Variants in AMOTL1 observed in about 807,000 individuals in gnomAD.
AMOTL1 encodes angiomotin like 1.
In AMOTL1, 45 loss-of-function variants were observed where a neutral mutation model predicts 102.9. The ratio of observed to expected loss-of-function variants is 0.44; its 90% CI spans 0.34 to 0.56. AMOTL1 has a LOEUF of 0.56. AMOTL1 is among the 20% of genes least tolerant of loss of function. AMOTL1 has a pLI of 0.01. For synonymous variants in AMOTL1, 481 were observed against 484.7 expected (o/e 0.99, Z 0.10); for missense variants, 1,114 against 1,225.6 (o/e 0.91, Z 1.36).
intron 1 of AMOTL1, among the ~76,000 whole-genome samples, chr11:94,711,895 C>T (rs1950027130): frequency 6.6e-6 from 1 of 152,054 alleles, no homozygotes; most frequent in African/African-American, 2.4e-5. Flanking sequence ...AATAAAGATG[C>T]TATGAACATT....
chr11:94,797,071 C>T (rs1425384929), intron 2 of AMOTL1: 17 of 947,694 alleles, frequency 1.8e-5, no homozygotes, highest in Non-Finnish European at 2.1e-5. Context: ...TTTGAGAATG[C>T]CATTTATAGG....
intron 4 of AMOTL1, among the ~76,000 whole-genome samples, chr11:94,828,624 A>G (rs1399342631): frequency 2.0e-5 from 3 of 152,184 alleles, no homozygotes; most frequent in Non-Finnish European, 4.4e-5. Context: ...TAGCTCCTAA[A>G]GGCCAGGAAT....
intron 2 of AMOTL1, among the ~76,000 whole-genome samples, chr11:94,796,516 G>A (rs1951368888): frequency 6.6e-6 from 1 of 152,130 alleles, no homozygotes; most frequent in Non-Finnish European, 1.5e-5. Flanking sequence ...AGGAGAAGGA[G>A]CCAGGGGCAA....
intron 7 of AMOTL1, among the ~76,000 whole-genome samples, chr11:94,852,249 C>G (rs1952555244): frequency 6.6e-6 from 1 of 152,190 alleles, no homozygotes; most frequent in South Asian, 2.1e-4. Context: ...TGTAAAAAGT[C>G]TAAAGTTGCT....
chr11:94,711,645 T>G (rs1383749876), intron 1 of AMOTL1, among the ~76,000 whole-genome samples: 1 of 152,144 alleles, frequency 6.6e-6, no homozygotes, highest in Admixed American at 6.5e-5. Flanking sequence ...TGTTGTCCAT[T>G]TATATAATTT....
intron 1 of AMOTL1, among the ~76,000 whole-genome samples, chr11:94,706,888 A>G (rs545864744): frequency 1.3e-5 from 2 of 152,278 alleles, no homozygotes; most frequent in African/African-American, 4.8e-5. Context: ...ATGTTAGTGA[A>G]GCAACTGTAA....
chr11:94,748,866 C>T (rs1950618557), intron 3 of AMOTL1, among the ~76,000 whole-genome samples: 1 of 152,144 alleles, frequency 6.6e-6, no homozygotes, highest in South Asian at 2.1e-4. Context: ...TACTTCCTTC[C>T]CATCAAGCTG....
intron 4 of AMOTL1, among the ~76,000 whole-genome samples, chr11:94,823,647 TC>T (rs1404618942): frequency 6.6e-6 from 1 of 152,188 alleles, no homozygotes; most frequent in Non-Finnish European, 1.5e-5. Flanking sequence ...CATGGCTGTT[TC>T]TGAAGAGTTA....
chr11:94,830,229 C>T, intron 5 of AMOTL1, 35 bp downstream of exon 5: 2 of 1,557,758 alleles, frequency 1.3e-6, no homozygotes, highest in African/African-American at 1.4e-5. Context: ...TCTAAACTAC[C>T]TGTAGAGTTT....
At chr11:94,745,578 A>T (rs916323960) in intron 3 of AMOTL1, among the ~76,000 whole-genome samples, 2 of 152,128 alleles carry the variant, frequency 1.3e-5, no homozygotes, top group African/African-American at 4.8e-5. Context: ...AGAAGTCCTA[A>T]AAATTTAGTT....
At chr11:94,849,878 G>A (rs1284273342) in intron 6 of AMOTL1, among the ~76,000 whole-genome samples, 1 of 152,104 alleles carries the variant, frequency 6.6e-6, no homozygotes, top group Non-Finnish European at 1.5e-5. Context: ...AGGGTCACTG[G>A]TTCTTTGTGT....
At chr11:94,814,309 C>CT (rs1951730196) in intron 3 of AMOTL1, among the ~76,000 whole-genome samples, 1 of 152,184 alleles carries the variant, frequency 6.6e-6, no homozygotes, top group African/African-American at 2.4e-5. Flanking sequence ...AAAGAATGGG[C>CT]TTTTTCAAAA....
At chr11:94,775,786 G>T (rs1373911679) in intron 1 of AMOTL1, among the ~76,000 whole-genome samples, 1 of 152,126 alleles carries the variant, frequency 6.6e-6, no homozygotes, top group African/African-American at 2.4e-5. Context: ...ACACATTTTT[G>T]AATGAAATGT....
intron 3 of AMOTL1, among the ~76,000 whole-genome samples, chr11:94,807,292 C>T (rs1017093147): frequency 2.6e-5 from 4 of 151,980 alleles, no homozygotes; most frequent in Non-Finnish European, 4.4e-5. Context: ...TATAAATAAG[C>T]GGTATTTTTA....
intron 8 of AMOTL1, among the ~76,000 whole-genome samples, chr11:94,858,283 A>G (rs1181225748): frequency 6.6e-6 from 1 of 152,178 alleles, no homozygotes; most frequent in Non-Finnish European, 1.5e-5. Context: ...GAGGACAGGT[A>G]TGCCCTTCTG....
intron 1 of AMOTL1, among the ~76,000 whole-genome samples, chr11:94,786,777 G>C (rs2135543093): frequency 6.6e-6 from 1 of 152,188 alleles, no homozygotes; most frequent in East Asian, 1.9e-4. Context: ...CCTTAAAAAA[G>C]GCAAACTTAA....
At chr11:94,868,630 A>G (rs1952929922) in intron 11 of AMOTL1, among the ~76,000 whole-genome samples, 1 of 152,198 alleles carries the variant, frequency 6.6e-6, no homozygotes, top group Admixed American at 6.5e-5. Context: ...GTGGGGGACC[A>G]TCATCCATTA....
chr11:94,819,361 T>C (rs1372780262), intron 3 of AMOTL1, among the ~76,000 whole-genome samples: 1 of 152,146 alleles, frequency 6.6e-6, no homozygotes, highest in Non-Finnish European at 1.5e-5. Flanking sequence ...GGAAACTCCT[T>C]GTGGACATAG....
At chr11:94,790,480 A>G (rs1290235697) in intron 1 of AMOTL1, among the ~76,000 whole-genome samples, 2 of 152,142 alleles carry the variant, frequency 1.3e-5, no homozygotes, top group Non-Finnish European at 2.9e-5. Flanking sequence ...CTGAAGAGGT[A>G]CATTTACTAG....
Sources: gnomAD v4.1 joint callset for allele counts (sites outside exome capture counted in the v4.1 genomes callset) on GRCh38, gnomAD v4.1.1 for gene constraint, MANE v1.5 for transcripts, NCBI Gene and HGNC (gene_info 2026-07-23, HGNC 2026-07-21) for gene names.